Variants in TAOK1 observed in about 807,000 individuals in gnomAD.
TAOK1 encodes the protein TAO kinase 1, also known as serine/threonine-protein kinase TAO1.
A neutral mutation model predicts 138.3 loss-of-function variants in TAOK1; 21 were observed. The ratio of observed to expected loss-of-function variants is 0.15; its 90% CI spans 0.11 to 0.22. The LOEUF is 0.22. Ranked by LOEUF, TAOK1 falls within the 10% of genes least tolerant of loss-of-function variation. The pLI, the probability that TAOK1 is intolerant of heterozygous loss-of-function variation, is 1.00. For synonymous variants in TAOK1, 361 were observed against 398.4 expected, an observed-to-expected ratio of 0.91 and a Z score of 1.12; for missense variants, 651 against 1,227.7, an observed-to-expected ratio of 0.53 and a Z score of 7.02.
intron 18 of TAOK1, among the ~76,000 whole-genome samples, chr17:29,532,086 T>C (rs1400574740): frequency 6.6e-6 from 1 of 152,046 alleles, no homozygotes; most frequent in East Asian, 1.9e-4. Flanking sequence ...GGTCTCAACC[T>C]TGTGACCTTG....
chr17:29,428,091 G>A (rs559498972), intron 1 of TAOK1, among the ~76,000 whole-genome samples: 2 of 152,128 alleles, frequency 1.3e-5, no homozygotes, highest in African/African-American at 2.4e-5. Flanking sequence ...AGTGCCAACC[G>A]TTTTTTTCCA....
At chr17:29,407,571 C>G (rs372012535) in intron 1 of TAOK1, among the ~76,000 whole-genome samples, 1 of 151,990 alleles carries the variant, frequency 6.6e-6, no homozygotes, top group East Asian at 1.9e-4. Flanking sequence ...CTCAGCCTCC[C>G]TAGTACCTGG....
chr17:29,457,644 G>C (rs2030422123), intron 2 of TAOK1, among the ~76,000 whole-genome samples: 1 of 151,152 alleles, frequency 6.6e-6, no homozygotes, highest in Non-Finnish European at 1.5e-5. Flanking sequence ...AACCTCAAGC[G>C]ATCCACCCAT....
intron 1 of TAOK1, among the ~76,000 whole-genome samples, chr17:29,394,402 T>G (rs910309843): frequency 1.3e-5 from 2 of 152,016 alleles, no homozygotes; most frequent in Non-Finnish European, 2.9e-5. Flanking sequence ...CCTGACCTTG[T>G]GATCTGCCCG....
intron 3 of TAOK1, among the ~76,000 whole-genome samples, chr17:29,475,433 G>A (rs1378434455): frequency 1.3e-5 from 2 of 152,144 alleles, no homozygotes; most frequent in African/African-American, 4.8e-5. Context: ...CCAAATACTT[G>A]GGAGGCTGAG....
intron 1 of TAOK1, among the ~76,000 whole-genome samples, chr17:29,411,884 C>G (rs1905153076): frequency 6.6e-6 from 1 of 152,096 alleles, no homozygotes; most frequent in Non-Finnish European, 1.5e-5. Context: ...ACCAATCCTC[C>G]ATATCTGTTC....
intron 6 of TAOK1, 39 bp from the exon 7 acceptor site, chr17:29,480,329 A>T (rs760000002): frequency 7.0e-7 from 1 of 1,438,542 alleles, no homozygotes; most frequent in Admixed American, 1.8e-5. Context: ...TAATCTATTG[A>T]GGGAAAGTTA....
At chr17:29,519,982 A>G (rs919232976) in intron 16 of TAOK1, among the ~76,000 whole-genome samples, 3 of 152,068 alleles carry the variant, frequency 2.0e-5, no homozygotes, top group Non-Finnish European at 4.4e-5. Flanking sequence ...GTTCGAGGAC[A>G]GCCTGGTCAA....
chr17:29,411,736 G>C (rs1193582326), intron 1 of TAOK1, among the ~76,000 whole-genome samples: 1 of 152,052 alleles, frequency 6.6e-6, no homozygotes, highest in Non-Finnish European at 1.5e-5. Flanking sequence ...CCATTTGTGT[G>C]TATTTTTTTC....
intron 1 of TAOK1, among the ~76,000 whole-genome samples, chr17:29,414,331 C>A (rs1905217169): frequency 6.6e-6 from 1 of 152,068 alleles, no homozygotes; most frequent in Admixed American, 6.6e-5. Flanking sequence ...CTCACTGCAA[C>A]CTCCACCTCC....
chr17:29,441,140 T>A (rs1877242995), intron 1 of TAOK1, among the ~76,000 whole-genome samples: 1 of 152,196 alleles, frequency 6.6e-6, no homozygotes, highest in Admixed American at 6.5e-5. Flanking sequence ...TCTGTAATTT[T>A]TTCTTCTTGT....
In TAOK1 at chr17:29,550,992, T is replaced by C. The variant is rs1265304360; in HGVS notation, c.*7970T>C. 4 of 140,462 alleles carry C rather than the reference T, an allele frequency of 2.8e-5. No individual in the cohort carries two copies. The highest frequency in any genetic ancestry group is 6.5e-5 in the Non-Finnish European group (4 of 61,854). 8.7% of individuals were successfully genotyped at this position (140,462 alleles called of 1,614,324 possible). Reference sequence around the variant, plus strand: ...AAAAAAAGAAAATGCTTCAGTCAATTGCTTTTTTATTTAAAAAAAAAAAGA... The same window carrying C: ...AAAAAAAGAAAATGCTTCAGTCAATCGCTTTTTTATTTAAAAAAAAAAAGA... On this transcript the variant is annotated 3_prime_UTR_variant, in exon 20 of 20. Coordinates refer to ENST00000261716, the MANE Select transcript of TAOK1 (RefSeq NM_020791.4).
intron 3 of TAOK1, among the ~76,000 whole-genome samples, chr17:29,469,459 A>T (rs1443387480): frequency 6.6e-6 from 1 of 152,142 alleles, no homozygotes; most frequent in Non-Finnish European, 1.5e-5. Context: ...AAAACTCTGT[A>T]GTCATTAAGC....
intron 4 of TAOK1, among the ~76,000 whole-genome samples, chr17:29,476,965 C>A (rs879414243): frequency 3.3e-5 from 5 of 152,048 alleles, no homozygotes; most frequent in African/African-American, 9.7e-5. Context: ...CCTGCCTAAG[C>A]TTCCCGAGTA....
At chr17:29,470,046 A>G (rs745974867) in intron 3 of TAOK1, among the ~76,000 whole-genome samples, 3 of 152,290 alleles carry the variant, frequency 2.0e-5, no homozygotes, top group South Asian at 4.1e-4. Context: ...CCTTGCCATT[A>G]AGAATATAGC....
In TAOK1 at chr17:29,446,922, T is replaced by C. The variant is rs143572301; in HGVS notation, c.-94-4533T>C. ...TCCATCTAATTTTTAGTATTTTTAGTAGAGGTAAAGTTTCACCATGTTGGC... is the reference window on the plus strand; with the variant it reads ...TCCATCTAATTTTTAGTATTTTTAGCAGAGGTAAAGTTTCACCATGTTGGC... On this transcript the variant is annotated intron_variant, in intron 1 of 19. Transcript: ENST00000261716. Among the ~76,000 whole-genome samples, 258 of 151,764 alleles carry C rather than the reference T, an allele frequency of 1.7e-3. 2 individuals carry two copies. Among genetic ancestry groups the C allele is most frequent in the African/African-American group, 5.7e-3 (235 of 41,378 alleles).
Position 29,449,677 on chromosome 17 carries a change from C to T in TAOK1, c.-94-1778C>T, listed in dbSNP as rs147909080. The stretch of plus-strand genomic sequence containing the variant: ...CCAACATGGTGAATCCCCATCTCTA[C>T]TAAAAATACAAAAATTAGCCGGGGG... On this transcript the variant is annotated intron_variant, in intron 1 of 19. Transcript: ENST00000261716. Among the ~76,000 whole-genome samples, 1,146 of 151,978 alleles carry T rather than the reference C, an allele frequency of 7.5e-3. 14 individuals carry two copies. Among genetic ancestry groups the T allele is most frequent in the African/African-American group, 0.026 (1,079 of 41,448 alleles).
chr17:29,478,451 A>C lies in TAOK1; in HGVS notation c.449+104A>C, dbSNP rs2030991653. 7 of 723,108 alleles carry C rather than the reference A, an allele frequency of 9.7e-6. No homozygotes were observed. The South Asian group carries it at 2.0e-4, about 21-fold the overall frequency. 44.8% of individuals were successfully genotyped at this position (723,108 alleles called of 1,614,324 possible). ...GTTTTTATTGGTTAAAGCCAAATAAAATAATATAAGCTCATATTTTTTTAG... is the reference window on the plus strand; with the variant it reads ...GTTTTTATTGGTTAAAGCCAAATAACATAATATAAGCTCATATTTTTTTAG... On this transcript the variant is annotated intron_variant, in intron 6 of 19. Transcript: ENST00000261716.
At chr17:29,434,807 C>T (rs918121165) in intron 1 of TAOK1, among the ~76,000 whole-genome samples, 3 of 152,164 alleles carry the variant, frequency 2.0e-5, no homozygotes, top group Non-Finnish European at 4.4e-5. Context: ...GCCTCTGGAT[C>T]CCTCAGATCC....
Sources: allele counts gnomAD v4.1 joint callset (sites outside exome capture counted in the v4.1 genomes callset), GRCh38; gene constraint gnomAD v4.1.1; transcripts MANE v1.5; gene names NCBI Gene and HGNC (gene_info 2026-07-23, HGNC 2026-07-21).